Variants in PIK3C2G observed in about 807,000 individuals in gnomAD.
The protein encoded by PIK3C2G is phosphatidylinositol-4-phosphate 3-kinase catalytic subunit type 2 gamma.
A neutral mutation model predicts 181.1 loss-of-function variants in PIK3C2G; 168 were observed. That is an observed-to-expected ratio of 0.93 (90% CI 0.82 to 1.05). PIK3C2G has a LOEUF of 1.05. Among genes scored for constraint, PIK3C2G ranks in the 50% least tolerant of loss-of-function variants. PIK3C2G has a pLI of 0.00. For missense variants in PIK3C2G, 1,869 were observed against 1,732.8 expected (o/e 1.08, Z -1.40); for synonymous variants, 573 against 592.2 (o/e 0.97, Z 0.47).
At chr12:18,413,583 T>G (rs1944995588) in intron 16 of PIK3C2G, among the ~76,000 whole-genome samples, 1 of 152,164 alleles carries the variant, frequency 6.6e-6, no homozygotes, top group Non-Finnish European at 1.5e-5. Flanking sequence ...TATGATTGAT[T>G]ATAAGGAAGT....
intron 31 of PIK3C2G, among the ~76,000 whole-genome samples, chr12:18,627,854 C>T (rs1459304073): frequency 2.0e-5 from 3 of 152,146 alleles, no homozygotes; most frequent in Non-Finnish European, 4.4e-5. Flanking sequence ...CAGTTGATTT[C>T]CACTAAAGCT....
the PIK3C2G span, among the ~76,000 whole-genome samples, chr12:18,668,259 C>T: frequency 1.3e-5 from 2 of 152,204 alleles, no homozygotes; most frequent in Admixed American, 1.3e-4. Context: ...AAACACACAT[C>T]ACATTTTCAT....
intron 30 of PIK3C2G, among the ~76,000 whole-genome samples, chr12:18,598,255 A>C (rs1947488282): frequency 6.6e-6 from 1 of 151,866 alleles, no homozygotes; most frequent in African/African-American, 2.4e-5. Flanking sequence ...ACTATACTAC[A>C]AGGCTACAGT....
At chr12:18,537,392 A>G (rs934159251) in intron 24 of PIK3C2G, among the ~76,000 whole-genome samples, 10 of 151,962 alleles carry the variant, frequency 6.6e-5, no homozygotes, top group African/African-American at 2.4e-4. Flanking sequence ...GATGTTTCCA[A>G]TCCTCTCTCT....
intron 16 of PIK3C2G, among the ~76,000 whole-genome samples, chr12:18,418,164 T>C (rs1945285854): frequency 6.6e-6 from 1 of 152,156 alleles, no homozygotes; most frequent in Admixed American, 6.6e-5. Flanking sequence ...TAAGGACACA[T>C]ATGTAAAAAG....
the PIK3C2G span, among the ~76,000 whole-genome samples, chr12:18,658,138 T>G: frequency 6.6e-6 from 1 of 152,116 alleles, no homozygotes; most frequent in African/African-American, 2.4e-5. Context: ...TCATTGAGAT[T>G]TCCTAATCTG....
At chr12:18,622,927 T>C (rs1948928302) in intron 31 of PIK3C2G, among the ~76,000 whole-genome samples, 1 of 151,874 alleles carries the variant, frequency 6.6e-6, no homozygotes, top group Non-Finnish European at 1.5e-5. Flanking sequence ...TTGAGTTCCT[T>C]ATATAATTTG....
intron 24 of PIK3C2G, among the ~76,000 whole-genome samples, chr12:18,512,666 A>G (rs997995642): frequency 3.9e-5 from 6 of 151,940 alleles, no homozygotes; most frequent in Non-Finnish European, 7.4e-5. Context: ...AACTTTAGTG[A>G]ATTCCTTTAT....
intron 26 of PIK3C2G, among the ~76,000 whole-genome samples, chr12:18,547,174 CAG>C (rs1340428558): frequency 2.0e-5 from 3 of 151,914 alleles, no homozygotes; most frequent in African/African-American, 7.3e-5. Flanking sequence ...AATTTATAAA[CAG>C]AGATTATATT....
At chr12:18,301,413 A>C (rs981912642) in intron 5 of PIK3C2G, among the ~76,000 whole-genome samples, 1 of 151,800 alleles carries the variant, frequency 6.6e-6, no homozygotes, top group Non-Finnish European at 1.5e-5. Context: ...ATATTGTTTT[A>C]CTTTTTTTTT....
chr12:18,454,802 G>T (rs911915715), intron 18 of PIK3C2G, among the ~76,000 whole-genome samples: 2 of 152,118 alleles, frequency 1.3e-5, no homozygotes, highest in African/African-American at 4.8e-5. Flanking sequence ...TTTGAAGATA[G>T]AACTGACAGA....
intron 22 of PIK3C2G, among the ~76,000 whole-genome samples, chr12:18,502,938 T>G (rs1442760262): frequency 6.6e-6 from 1 of 152,180 alleles, no homozygotes; most frequent in East Asian, 1.9e-4. Context: ...AGCTTAAATG[T>G]CCTCCCTTAA....
intron 30 of PIK3C2G, among the ~76,000 whole-genome samples, chr12:18,602,048 A>G (rs1592690894): frequency 1.3e-5 from 2 of 152,118 alleles, no homozygotes; most frequent in East Asian, 1.9e-4. Context: ...GCCAGAACTC[A>G]GGGGAGGGCA....
the PIK3C2G span, among the ~76,000 whole-genome samples, chr12:18,706,674 T>A: frequency 6.6e-6 from 1 of 152,314 alleles, no homozygotes; most frequent in African/African-American, 2.4e-5. Context: ...TATATACTTA[T>A]CAGGGCACAA....
chr12:18,559,792 A>ATT (rs1477142236), intron 26 of PIK3C2G, among the ~76,000 whole-genome samples: 1 of 48,442 alleles, frequency 2.1e-5, no homozygotes, highest in African/African-American at 8.4e-5. Flanking sequence ...ATATATATAT[A>ATT]TATATATATA....
chr12:18,420,152 A>C (rs1173218427), intron 16 of PIK3C2G, among the ~76,000 whole-genome samples: 3 of 152,086 alleles, frequency 2.0e-5, no homozygotes, highest in Non-Finnish European at 4.4e-5. Flanking sequence ...CCAAAGCCCT[A>C]GTAATATCTA....
chr12:18,396,368 C>A (rs1040856798), intron 15 of PIK3C2G, among the ~76,000 whole-genome samples: 2 of 151,378 alleles, frequency 1.3e-5, no homozygotes, highest in Admixed American at 1.3e-4. Flanking sequence ...CTTTCTCAAC[C>A]TTGAAAAGTG....
At chr12:18,676,200 G>T in the PIK3C2G span, among the ~76,000 whole-genome samples, 1 of 152,138 alleles carries the variant, frequency 6.6e-6, no homozygotes, top group Non-Finnish European at 1.5e-5. Flanking sequence ...ACAAGAGAAA[G>T]AAACCAGGTC....
At chr12:18,270,195 C>T (rs1194148666) in intron 1 of PIK3C2G, among the ~76,000 whole-genome samples, 2 of 152,120 alleles carry the variant, frequency 1.3e-5, no homozygotes, top group Non-Finnish European at 2.9e-5. Flanking sequence ...CAGGCGTGAG[C>T]CACTGCGCAC....
Sources: gnomAD v4.1 joint callset for allele counts (sites outside exome capture counted in the v4.1 genomes callset) on GRCh38, gnomAD v4.1.1 for gene constraint, MANE v1.5 for transcripts, NCBI Gene and HGNC (gene_info 2026-07-23, HGNC 2026-07-21) for gene names.